The following WDR88 variants were observed in gnomAD, a reference collection of about 807,000 sequenced individuals.
WDR88 encodes WD repeat domain 88, also known as WD repeat-containing protein 88.
Under a neutral mutation model 46.8 loss-of-function variants are expected in WDR88, and 40 were observed. That is an observed-to-expected ratio of 0.86 (90% CI 0.66 to 1.11). The LOEUF is 1.11. Among genes scored for constraint, WDR88 ranks in the 50% most tolerant of loss-of-function variants. The probability of loss-of-function intolerance (pLI) is 0.00; values close to 1 mark genes in which losing one functional copy is unlikely to be tolerated. For missense variants in WDR88, 562 were observed against 602.4 expected (o/e 0.93, Z 0.70); for synonymous variants, 235 against 240.7 (o/e 0.98, Z 0.22).
chr19:33,157,679 G>GTGTATATA lies in WDR88; in HGVS notation c.997+1138_997+1139insGTATATAT, dbSNP rs1973778416. On this transcript the variant is annotated intron_variant, in intron 7 of 10. Coordinates refer to ENST00000355868, the MANE Select transcript of WDR88 (RefSeq NM_173479.4). Reference sequence around the variant, plus strand: ...TATATATGTATGTATGTGTGTGTGTGTATGTATGTATATATATATATATAT... The same window carrying GTGTATATA: ...TATATATGTATGTATGTGTGTGTGTGTGTATATATATGTATGTATATATATATATATAT... Among the ~76,000 whole-genome samples the GTGTATATA allele has an allele frequency of 2.1e-5, 2 of 94,206 alleles. 1 individual carries two copies. Among genetic ancestry groups the GTGTATATA allele is most frequent in the Non-Finnish European group, 3.5e-5 (2 of 57,140 alleles). The allele number at this position is 94,206 out of a possible 152,430, so 61.8% of individuals were successfully genotyped here. A position where few individuals can be genotyped will look rare whatever the true frequency, so the allele number is the denominator to read the frequency against.
intron 4 of WDR88, 135 bp from the exon 5 acceptor site, chr19:33,148,637 G>C (rs574143038): frequency 9.5e-7 from 1 of 1,057,764 alleles, no homozygotes; most frequent in African/African-American, 1.6e-5. Flanking sequence ...TGGAGATCTT[G>C]CATGTTTCCC....
At chr19:33,144,496 G>A (rs540811296) in intron 2 of WDR88, among the ~76,000 whole-genome samples, 1 of 152,180 alleles carries the variant, frequency 6.6e-6, no homozygotes, top group East Asian at 1.9e-4. Flanking sequence ...CACCGCGCCC[G>A]GCCTGGAAGA....
chr19:33,143,827 A>C (rs1453885731), intron 2 of WDR88, among the ~76,000 whole-genome samples: 14 of 152,162 alleles, frequency 9.2e-5, no homozygotes, highest in Non-Finnish European at 1.5e-5. Context: ...ATCCACATAC[A>C]TTTATGAAAC....
intron 5 of WDR88, 150 bp downstream of exon 5, chr19:33,149,060 G>T: frequency 7.7e-7 from 1 of 1,299,702 alleles, no homozygotes; most frequent in Non-Finnish European, 1.0e-6. Context: ...TAGGTGCGGT[G>T]GCTGGGATTG....
At chr19:33,151,777 G>A (rs1176110105) in intron 6 of WDR88, among the ~76,000 whole-genome samples, 75 of 152,260 alleles carry the variant, frequency 4.9e-4, no homozygotes, top group Non-Finnish European at 1.5e-5. Flanking sequence ...CTACTCAGGA[G>A]GCTGAGGCTG....
At chr19:33,163,573 C>T (rs905972494) in intron 8 of WDR88, among the ~76,000 whole-genome samples, 6 of 151,884 alleles carry the variant, frequency 4.0e-5, no homozygotes, top group African/African-American at 1.5e-4. Flanking sequence ...CATGTCTTTA[C>T]ACTTTGTATT....
At chr19:33,144,024 T>C (rs1197322293) in intron 2 of WDR88, among the ~76,000 whole-genome samples, 3 of 152,158 alleles carry the variant, frequency 2.0e-5, no homozygotes, top group African/African-American at 4.8e-5. Context: ...ATGCCCAGTG[T>C]GGAGGGAGTG....
At chr19:33,153,569 G>A (rs976624300) in intron 6 of WDR88, among the ~76,000 whole-genome samples, 2 of 151,868 alleles carry the variant, frequency 1.3e-5, no homozygotes, top group African/African-American at 4.8e-5. Flanking sequence ...ATCTCGGCTC[G>A]CTGCAACCTC....
intron 9 of WDR88, among the ~76,000 whole-genome samples, chr19:33,166,611 A>T (rs1298524478): frequency 6.6e-6 from 1 of 151,102 alleles, no homozygotes; most frequent in Non-Finnish European, 1.5e-5. Context: ...AAAAAAAATT[A>T]TTGAATATTT....
intron 6 of WDR88, among the ~76,000 whole-genome samples, chr19:33,155,545 T>A (rs530712922): frequency 1.3e-5 from 2 of 151,902 alleles, no homozygotes; most frequent in Non-Finnish European, 2.9e-5. Context: ...AGTGAATAGT[T>A]GGGGTGGAGA....
chr19:33,156,342 A>G lies in WDR88; in HGVS notation c.810-13A>G. On this transcript the variant is annotated splice_polypyrimidine_tract_variant and intron_variant, in intron 6 of 10. Coordinates refer to ENST00000355868, the MANE Select transcript of WDR88 (RefSeq NM_173479.4). ...AAAGCGCTAATGTGTGCACCCCACC[A>G]TCTGTGTTTCAGGGCACATTCCAAT... 7 of 1,613,112 alleles carry G rather than the reference A, an allele frequency of 4.3e-6. No individual in the cohort carries two copies. Among genetic ancestry groups the G allele is most frequent in the Middle Eastern group, 1.7e-4 (1 of 6,058 alleles).
In WDR88 at chr19:33,152,396, C is replaced by T. The variant is rs145327239; in HGVS notation, c.809+1086C>T. Among the ~76,000 whole-genome samples, 33 of 152,150 alleles carry T rather than the reference C, an allele frequency of 2.2e-4. No homozygotes were observed. In the East Asian group the frequency reaches 6.0e-3, roughly 28 times the overall value. On this transcript the variant is annotated intron_variant, in intron 6 of 10. Coordinates refer to ENST00000355868, the MANE Select transcript of WDR88 (RefSeq NM_173479.4). ...ATCATCTCAGACAGAAGCTCTTACC[C>T]GTTAAGCAATAACTCCCCATTCCCC...
At chr19:33,153,865 C>T (rs942385563) in intron 6 of WDR88, among the ~76,000 whole-genome samples, 5 of 152,156 alleles carry the variant, frequency 3.3e-5, no homozygotes, top group Non-Finnish European at 7.3e-5. Flanking sequence ...TTCTCTCTTG[C>T]TGCTCTGAAG....
chr19:33,175,403 G>T lies in WDR88; in HGVS notation c.1250G>T (p.Arg417Ile), dbSNP rs753706528. The change falls in exon 11 of 11, where the codon AGA (arginine) becomes ATA (isoleucine). Residue 417 changes from arginine (R) to isoleucine (I), a missense_variant. Arg to Ile is a moderately conservative substitution (Grantham distance 97). Coordinates refer to ENST00000355868, the MANE Select transcript of WDR88 (RefSeq NM_173479.4). ...TAAAATATCCCATGTCAGTGCGAAA[G>T]ATGTGACAGGCCTTTCTCCATCTTC... Reference protein sequence around the residue: ...AVGLKLKQCERCDRPFSIFKS... With the variant: ...AVGLKLKQCEICDRPFSIFKS... 2 of 1,614,142 alleles carry T rather than the reference G, an allele frequency of 1.2e-6. No individual in the cohort carries two copies. The highest frequency in any genetic ancestry group is 1.7e-6 in the Non-Finnish European group (2 of 1,180,016).
Position 33,156,426 on chromosome 19 carries a change from A to AT in WDR88, c.882dup (p.Lys295Ter). ...CATTTCCTGTGTACAAGCTCCTGGGATAAAAACTTAAAAATATGGAACGTC... is the reference window on the plus strand; with the variant it reads ...CATTTCCTGTGTACAAGCTCCTGGGATTAAAAACTTAAAAATATGGAACGTC... On this transcript the variant is annotated frameshift_variant, in exon 7 of 11. Transcript: ENST00000355868. LOFTEE classifies it high-confidence loss of function. 1 of 1,614,182 alleles carries AT rather than the reference A, an allele frequency of 6.2e-7. No homozygotes were observed. Among genetic ancestry groups the AT allele is most frequent in the Non-Finnish European group, 8.5e-7 (1 of 1,180,036 alleles).
At chr19:33,173,411 C>A (rs996373036) in intron 10 of WDR88, among the ~76,000 whole-genome samples, 4 of 152,258 alleles carry the variant, frequency 2.6e-5, no homozygotes, top group African/African-American at 9.6e-5. Context: ...TCACCAGGCA[C>A]AGCTGGGGCT....
At chr19:33,146,652 G>A (rs1486868289) in intron 3 of WDR88, among the ~76,000 whole-genome samples, 1 of 152,096 alleles carries the variant, frequency 6.6e-6, no homozygotes, top group Non-Finnish European at 1.5e-5. Flanking sequence ...TGAGTAGCTG[G>A]GATTGCAGGT....
At chr19:33,168,376 C>T (rs1311821142) in intron 9 of WDR88, among the ~76,000 whole-genome samples, 1 of 152,044 alleles carries the variant, frequency 6.6e-6, no homozygotes, top group African/African-American at 2.4e-5. Context: ...TAGAAAATCC[C>T]AAAGAATTAA....
chr19:33,136,543 C>G (rs1368157338), intron 1 of WDR88, among the ~76,000 whole-genome samples: 1 of 151,960 alleles, frequency 6.6e-6, no homozygotes, highest in South Asian at 2.1e-4. Context: ...TGCTGAGAAT[C>G]TTTTCATGTG....
Sources: allele counts gnomAD v4.1 joint callset (sites outside exome capture counted in the v4.1 genomes callset), GRCh38; gene constraint gnomAD v4.1.1; transcripts MANE v1.5; gene names NCBI Gene and HGNC (gene_info 2026-07-23, HGNC 2026-07-21).